Variants in RNF168 observed in about 807,000 individuals in gnomAD.
RNF168 encodes the protein E3 ubiquitin-protein ligase RNF168.
A neutral mutation model predicts 34.9 loss-of-function variants in RNF168; 34 were observed. That is an observed-to-expected ratio of 0.97 (90% CI 0.74 to 1.30). RNF168 has a LOEUF of 1.30. RNF168 is among the 50% of genes most tolerant of loss of function. The probability of loss-of-function intolerance (pLI) is 0.00; values close to 1 mark genes in which losing one functional copy is unlikely to be tolerated. For missense variants in RNF168, 725 were observed against 682.5 expected (o/e 1.06, Z -0.69); for synonymous variants, 264 against 254.7 (o/e 1.04, Z -0.35).
Position 196,488,599 on chromosome 3 carries a change from G to A in RNF168, c.378+8C>T, listed in dbSNP as rs1253931093. ...ATATTCCAAAAAAAAAAACTATTTA[G>A]CACCTACCTTGCTTATTTCCTCTTC... On this transcript the variant is annotated splice_region_variant and intron_variant, in intron 2 of 5. Transcript: ENST00000318037. 1.3e-6 allele frequency: 2 copies of A among 1,527,686 alleles called. No homozygotes were observed. Among genetic ancestry groups the A allele is most frequent in the Admixed American group, 3.4e-5 (2 of 59,358 alleles). The allele number at this position is 1,527,686 out of a possible 1,614,324, so 94.6% of individuals were successfully genotyped here. A position where few individuals can be genotyped will look rare whatever the true frequency, so the allele number is the denominator to read the frequency against.
At chr3:196,479,725 G>A (rs1331390748) in intron 4 of RNF168, among the ~76,000 whole-genome samples, 3 of 151,738 alleles carry the variant, frequency 2.0e-5, no homozygotes, top group Non-Finnish European at 2.9e-5. Flanking sequence ...CCAGTAGCGG[G>A]ATTACAGGCG....
At chr3:196,474,025 C>T (rs538888283) in intron 5 of RNF168, among the ~76,000 whole-genome samples, 1 of 152,130 alleles carries the variant, frequency 6.6e-6, no homozygotes, top group South Asian at 2.1e-4. Context: ...CTTGTGTGGC[C>T]TTTTTCCAGG....
At chr3:196,485,784 ATTT>A in intron 3 of RNF168, among the ~76,000 whole-genome samples, 1 of 151,600 alleles carries the variant, frequency 6.6e-6, no homozygotes, top group East Asian at 1.9e-4. Flanking sequence ...ATACATATAT[ATTT>A]TTTTATTCTA....
rs1323370423 is a variant in RNF168, at chr3:196,468,874, C to G, written c.*2945G>C. The G allele has an allele frequency of 6.6e-6, 1 of 151,994 alleles. No homozygotes were observed. Among genetic ancestry groups the G allele is most frequent in the South Asian group, 2.1e-4 (1 of 4,826 alleles). 9.4% of individuals were successfully genotyped at this position (151,994 alleles called of 1,614,324 possible). Reference sequence around the variant, plus strand: ...ATTCAGTGTTTGCATATCCTTTCCACAAAAATGAGAGGAAAAAGGACCAGT... The same window carrying G: ...ATTCAGTGTTTGCATATCCTTTCCAGAAAAATGAGAGGAAAAAGGACCAGT... On this transcript the variant is annotated 3_prime_UTR_variant, in exon 6 of 6. Coordinates refer to ENST00000318037, the MANE Select transcript of RNF168 (RefSeq NM_152617.4).
At position 196,488,654 on chromosome 3, in the gene RNF168, T is replaced by G. The variant is rs528924586; in HGVS notation, c.331A>C (p.Ser111Arg). The G allele has an allele frequency of 6.2e-7, 1 of 1,609,262 alleles. No individual in the cohort carries two copies. The highest frequency in any genetic ancestry group is 1.1e-5 in the South Asian group (1 of 90,958). ...ADDYQPVRLL[S>R]KPGELRREYE... Reference sequence around the variant, plus strand: ...TCTCTTCTCAGTTCCCCAGGTTTACTGAGCAGACGAACTGGCTGATAGTCA... The same window carrying G: ...TCTCTTCTCAGTTCCCCAGGTTTACGGAGCAGACGAACTGGCTGATAGTCA... Residue 111 changes from serine (S) to arginine (R), a missense_variant, in exon 2 of 6, where the codon AGT (serine) becomes CGT (arginine). Physicochemically the swap from Ser to Arg is moderately radical, Grantham distance 110 (BLOSUM62 -1). Coordinates refer to ENST00000318037, the MANE Select transcript of RNF168 (RefSeq NM_152617.4).
intron 1 of RNF168, among the ~76,000 whole-genome samples, chr3:196,493,512 A>C (rs533381997): frequency 6.6e-6 from 1 of 151,796 alleles, no homozygotes; most frequent in East Asian, 1.9e-4. Context: ...GAGCCACTGC[A>C]TCCAGTCCAT....
chr3:196,487,709 A>C, intron 2 of RNF168, 131 bp from the exon 3 acceptor site: 1 of 886,568 alleles, frequency 1.1e-6, no homozygotes, highest in Non-Finnish European at 1.8e-6. Flanking sequence ...ATGAAGTACA[A>C]ATCTGGAGAA....
In RNF168 at chr3:196,483,651, G is replaced by T. The variant is rs1439307643; in HGVS notation, c.680+119C>A. ...TCCTTTTCAATTTACCTCAACCTCAGACTATTTTCATACAAAGTTCACGGA... is the reference window on the plus strand; with the variant it reads ...TCCTTTTCAATTTACCTCAACCTCATACTATTTTCATACAAAGTTCACGGA... On this transcript the variant is annotated intron_variant, in intron 4 of 5. Transcript: ENST00000318037. The T allele has an allele frequency of 3.5e-6, 3 of 865,480 alleles. No individual in the cohort carries two copies. In the Admixed American group the frequency reaches 5.4e-5, roughly 15 times the overall value. 53.6% of individuals were successfully genotyped at this position (865,480 alleles called of 1,614,324 possible).
At chr3:196,481,682 G>A (rs1470432789) in intron 4 of RNF168, among the ~76,000 whole-genome samples, 7 of 62,392 alleles carry the variant, frequency 1.1e-4, no homozygotes, top group East Asian at 1.1e-3. Context: ...TTTCAGCTGC[G>A]TTTTTTTTTT....
At chr3:196,499,423 A>T (rs1371310249) in intron 1 of RNF168, among the ~76,000 whole-genome samples, 1 of 152,230 alleles carries the variant, frequency 6.6e-6, no homozygotes, top group African/African-American at 2.4e-5. Flanking sequence ...GAGGGAGAAT[A>T]AATTTCTGCT....
intron 1 of RNF168, among the ~76,000 whole-genome samples, chr3:196,497,488 G>A (rs1732771317): frequency 6.6e-6 from 1 of 151,964 alleles, no homozygotes; most frequent in Non-Finnish European, 1.5e-5. Flanking sequence ...TGGCCAACAT[G>A]GTGAAGCCCC....
At chr3:196,502,603 A>G (rs13099662) in intron 1 of RNF168, among the ~76,000 whole-genome samples, 36,566 of 144,896 alleles carry the variant, frequency 0.25, 5,702 homozygotes, top group East Asian at 0.69. Context: ...AAAAAAAAAG[A>G]AGGCTCCAGA....
Position 196,483,902 on chromosome 3 carries a change from A to AG in RNF168, c.559-12dup, listed in dbSNP as rs1732355851. The AG allele has an allele frequency of 6.3e-7, 1 of 1,597,044 alleles. No individual in the cohort carries two copies. Among genetic ancestry groups the AG allele is most frequent in the South Asian group, 1.1e-5 (1 of 90,686 alleles). Reference sequence around the variant, plus strand: ...CTCACAGAAATTGTTCTTCAACAATAGAAAAAGCATAACAGACATTATGAG... The same window carrying AG: ...CTCACAGAAATTGTTCTTCAACAATAGGAAAAAGCATAACAGACATTATGAG... On this transcript the variant is annotated splice_polypyrimidine_tract_variant and intron_variant, in intron 3 of 5. Coordinates refer to ENST00000318037, the MANE Select transcript of RNF168 (RefSeq NM_152617.4).
chr3:196,499,177 A>C (rs1370131582), intron 1 of RNF168, among the ~76,000 whole-genome samples: 1 of 152,094 alleles, frequency 6.6e-6, no homozygotes, highest in Non-Finnish European at 1.5e-5. Context: ...CTGGTAAAAA[A>C]AAAAGAGAGA....
intron 4 of RNF168, among the ~76,000 whole-genome samples, chr3:196,483,369 C>G (rs1053173254): frequency 6.1e-4 from 93 of 152,298 alleles, no homozygotes; most frequent in African/African-American, 2.2e-3. Context: ...TGTGGTGAAA[C>G]TCAATCACGC....
At position 196,472,643 on chromosome 3, in the gene RNF168, TA is replaced by T. The variant is rs765679327; in HGVS notation, c.891del (p.Met298CysfsTer31). On this transcript the variant is annotated frameshift_variant, in exon 6 of 6. Coordinates refer to ENST00000318037, the MANE Select transcript of RNF168 (RefSeq NM_152617.4). LOFTEE classifies it low-confidence loss of function (END_TRUNC). ...EQGADSSIES[P>X]MPWLCACGAE... ...GCACCACAGGCACATAACCATGGCA[TA>T]GGGGACTCTATTGAAGAATCTGCAC... 9.3e-6 allele frequency: 15 copies of T among 1,612,072 alleles called. No homozygotes were observed. The highest frequency in any genetic ancestry group is 8.5e-6 in the Non-Finnish European group (10 of 1,178,390).
chr3:196,478,303 T>C (rs183805596), intron 4 of RNF168, among the ~76,000 whole-genome samples: 1 of 152,128 alleles, frequency 6.6e-6, no homozygotes, highest in African/African-American at 2.4e-5. Flanking sequence ...TAAAGGGAGG[T>C]GTGAACAGCC....
intron 1 of RNF168, among the ~76,000 whole-genome samples, chr3:196,493,401 C>T (rs1383070174): frequency 6.6e-6 from 1 of 152,196 alleles, no homozygotes; most frequent in East Asian, 1.9e-4. Flanking sequence ...CTTGCCCAGG[C>T]TGGAGTTCAG....
chr3:196,478,198 CCTTTT>C lies in RNF168; in HGVS notation c.681-2891_681-2887del, dbSNP rs1368958214. Among the ~76,000 whole-genome samples the C allele has an allele frequency of 3.3e-5, 5 of 151,760 alleles. No individual in the cohort carries two copies. In the East Asian group the frequency reaches 5.8e-4, roughly 18 times the overall value. ...TTTTGGGATCCATTCCCATTTGCTT[CCTTTT>C]ATGTTTTAAATTAAGTTTAGCCTAA... On this transcript the variant is annotated intron_variant, in intron 4 of 5. Coordinates refer to ENST00000318037, the MANE Select transcript of RNF168 (RefSeq NM_152617.4).
Sources: allele counts gnomAD v4.1 joint callset (sites outside exome capture counted in the v4.1 genomes callset), GRCh38; gene constraint gnomAD v4.1.1; transcripts MANE v1.5; gene names NCBI Gene and HGNC (gene_info 2026-07-23, HGNC 2026-07-21).